The following CLTCL1 variants were observed in gnomAD, a reference collection of about 807,000 sequenced individuals.
The protein encoded by CLTCL1 is clathrin heavy chain like 1.
Under a neutral mutation model 190.0 loss-of-function variants are expected in CLTCL1, and 159 were observed. The observed-to-expected ratio is 0.84, with a 90% CI of 0.74 to 0.95. The LOEUF is 0.95. CLTCL1 is among the 40% of genes least tolerant of loss of function. The pLI is 0.00. For missense variants in CLTCL1, 1,878 were observed against 2,033.4 expected, an observed-to-expected ratio of 0.92 and a Z score of 1.47; for synonymous variants, 752 against 769.6, an observed-to-expected ratio of 0.98 and a Z score of 0.38.
chr22:19,240,443 G>A (rs1165142889), intron 4 of CLTCL1, among the ~76,000 whole-genome samples: 2 of 152,048 alleles, frequency 1.3e-5, no homozygotes, highest in Non-Finnish European at 2.9e-5. Flanking sequence ...AGAGAGAGGA[G>A]GGAAACACCA....
chr22:19,251,454 C>T (rs951779748), intron 3 of CLTCL1, among the ~76,000 whole-genome samples: 3 of 152,018 alleles, frequency 2.0e-5, no homozygotes, highest in Non-Finnish European at 4.4e-5. Context: ...ATCTAGATGC[C>T]TTTTTGTTTT....
intron 19 of CLTCL1, among the ~76,000 whole-genome samples, chr22:19,214,184 A>G (rs55763883): frequency 0.049 from 7,481 of 152,202 alleles, 630 homozygotes; most frequent in African/African-American, 0.17. Context: ...TTTTTTCACC[A>G]AACTGTTTCC....
chr22:19,289,931 C>G (rs1379235159), intron 1 of CLTCL1, among the ~76,000 whole-genome samples: 1 of 152,150 alleles, frequency 6.6e-6, no homozygotes, highest in Non-Finnish European at 1.5e-5. Flanking sequence ...GCTGAAGTCT[C>G]GAAATGTCTG....
Position 19,208,904 on chromosome 22 carries a change from G to A in CLTCL1, c.3442+18C>T. The A allele has an allele frequency of 1.3e-6, 2 of 1,587,348 alleles. No homozygotes were observed. Among genetic ancestry groups the A allele is most frequent in the Non-Finnish European group, 1.7e-6 (2 of 1,165,544 alleles). On this transcript the variant is annotated intron_variant, in intron 21 of 32. Transcript: ENST00000427926. The stretch of plus-strand genomic sequence containing the variant: ...CATCAGTGAGATGCAGAGCCCTAGG[G>A]AGAGGGGACTCACTTACTGCTCCTG...
intron 1 of CLTCL1, among the ~76,000 whole-genome samples, chr22:19,290,076 C>G (rs1274456871): frequency 6.6e-6 from 1 of 152,236 alleles, no homozygotes; most frequent in Non-Finnish European, 1.5e-5. Flanking sequence ...CAAGCATTTT[C>G]CAGATAATGG....
chr22:19,196,697 T>C, intron 24 of CLTCL1, 41 bp from the exon 25 acceptor site: 1 of 1,583,688 alleles, frequency 6.3e-7, no homozygotes, highest in Non-Finnish European at 8.6e-7. Flanking sequence ...AGTGATTGCA[T>C]GCCTCCTGCA....
chr22:19,271,844 C>T (rs2087332442), intron 2 of CLTCL1, among the ~76,000 whole-genome samples: 1 of 152,172 alleles, frequency 6.6e-6, no homozygotes, highest in Non-Finnish European at 1.5e-5. Flanking sequence ...AGGTGGCTCA[C>T]ATCAGTAGTC....
intron 2 of CLTCL1, 92 bp from the exon 3 acceptor site, chr22:19,254,319 T>G (rs372489760): frequency 5.4e-5 from 60 of 1,102,724 alleles, no homozygotes; most frequent in Non-Finnish European, 7.2e-5. Flanking sequence ...CTTTTAATAT[T>G]ACTTTAGGTT....
intron 12 of CLTCL1, 32 bp from the exon 13 acceptor site, chr22:19,225,665 T>G: frequency 1.3e-6 from 2 of 1,521,882 alleles, no homozygotes; most frequent in Non-Finnish European, 1.8e-6. Flanking sequence ...TCCACAACGA[T>G]GCACCACTCT....
Position 19,190,346 on chromosome 22 carries a change from G to A in CLTCL1, c.4323+958C>T, listed in dbSNP as rs570284900. Among the ~76,000 whole-genome samples the A allele has an allele frequency of 1.2e-4, 18 of 152,324 alleles. 1 individual carries two copies. Among genetic ancestry groups the A allele is most frequent in the Middle Eastern group, 3.4e-3 (1 of 294 alleles). On this transcript the variant is annotated intron_variant, in intron 27 of 32. Transcript: ENST00000427926. ...AGGGACCAGGGCACGGCCAGTCAGC[G>A]GAGCAGTCAGAACACATACAACATT...
intron 23 of CLTCL1, 92 bp downstream of exon 23, chr22:19,201,237 C>A: frequency 7.0e-7 from 1 of 1,419,406 alleles, no homozygotes; most frequent in Admixed American, 2.2e-5. Context: ...GGCAAGAGAC[C>A]GGCACCCAGA....
chr22:19,211,359 A>G (rs1555946620), intron 19 of CLTCL1, among the ~76,000 whole-genome samples: 1 of 152,096 alleles, frequency 6.6e-6, no homozygotes, highest in East Asian at 1.9e-4. Context: ...AGGGATGTCC[A>G]CTCTCCACAC....
intron 2 of CLTCL1, among the ~76,000 whole-genome samples, chr22:19,267,658 C>T (rs2087162073): frequency 6.6e-6 from 1 of 152,250 alleles, no homozygotes; most frequent in Non-Finnish European, 1.5e-5. Flanking sequence ...CTTTGTGAGG[C>T]TGAGGCAGGT....
chr22:19,275,088 C>T (rs1555982496), intron 2 of CLTCL1, among the ~76,000 whole-genome samples: 1 of 152,180 alleles, frequency 6.6e-6, no homozygotes, highest in Non-Finnish European at 1.5e-5. Flanking sequence ...AAGTCTACTG[C>T]ATACATAATC....
At chr22:19,221,832 A>T in intron 16 of CLTCL1, 119 bp downstream of exon 16, 1 of 1,158,352 alleles carries the variant, frequency 8.6e-7, no homozygotes, top group Non-Finnish European at 1.2e-6. Context: ...ACTCATTGCT[A>T]CATCTAAGAT....
At chr22:19,196,467 G>T (rs369197143) in intron 25 of CLTCL1, 22 bp downstream of exon 25, 2 of 1,613,972 alleles carry the variant, frequency 1.2e-6, no homozygotes, top group Non-Finnish European at 1.7e-6. Flanking sequence ...ACGGCTGCCA[G>T]ACTGCAAGGA....
intron 22 of CLTCL1, chr22:19,207,591 C>T (rs1228517605): frequency 1.7e-5 from 7 of 405,630 alleles, no homozygotes; most frequent in South Asian, 2.4e-4. Context: ...CCCCATGCCA[C>T]GGACCGCTGC....
intron 27 of CLTCL1, among the ~76,000 whole-genome samples, chr22:19,189,290 A>T (rs941440195): frequency 5.3e-5 from 8 of 152,236 alleles, no homozygotes; most frequent in African/African-American, 1.7e-4. Context: ...CTTGTGTTGC[A>T]TAAAACAAAA....
At chr22:19,200,614 G>T (rs1403152175) in intron 23 of CLTCL1, among the ~76,000 whole-genome samples, 1 of 152,210 alleles carries the variant, frequency 6.6e-6, no homozygotes, top group Admixed American at 6.5e-5. Flanking sequence ...GCTGAGGTGG[G>T]TGGATCATGA....
Sources: gnomAD v4.1 joint callset for allele counts (sites outside exome capture counted in the v4.1 genomes callset) on GRCh38, gnomAD v4.1.1 for gene constraint, MANE v1.5 for transcripts, NCBI Gene and HGNC (gene_info 2026-07-23, HGNC 2026-07-21) for gene names.